Variants in LRRC49 observed in about 807,000 individuals in gnomAD.
LRRC49 encodes the protein leucine-rich repeat-containing protein 49.
A neutral mutation model predicts 83.3 loss-of-function variants in LRRC49; 50 were observed. That is an observed-to-expected ratio of 0.60 (90% confidence interval 0.48 to 0.76). LRRC49 has a LOEUF of 0.76. LRRC49 is among the 30% of genes least tolerant of loss of function. LRRC49 has a pLI of 0.00. For synonymous variants in LRRC49, 286 were observed against 283.3 expected (o/e 1.01, Z -0.10); for missense variants, 704 against 809.1 (o/e 0.87, Z 1.58).
chr15:70,996,600 C>G (rs78354802), intron 11 of LRRC49, among the ~76,000 whole-genome samples: 1,823 of 152,194 alleles, frequency 0.012, 40 homozygotes, highest in African/African-American at 0.042. Context: ...ATACTACTTG[C>G]TAAAATAGAT....
intron 1 of LRRC49, among the ~76,000 whole-genome samples, chr15:70,871,138 AG>A (rs1180035951): frequency 2.0e-5 from 3 of 151,798 alleles, no homozygotes; most frequent in African/African-American, 7.3e-5. Context: ...ACTTGAGATT[AG>A]GGAGTGGTGA....
chr15:70,989,332 G>T (rs181413843), intron 11 of LRRC49, among the ~76,000 whole-genome samples: 1 of 151,484 alleles, frequency 6.6e-6, no homozygotes, highest in African/African-American at 2.4e-5. Context: ...GGCTTTGTTC[G>T]TTTCTATTCT....
At chr15:71,039,931 C>A (rs926591380) in intron 15 of LRRC49, among the ~76,000 whole-genome samples, 5 of 152,118 alleles carry the variant, frequency 3.3e-5, no homozygotes, top group Admixed American at 2.6e-4. Context: ...ATACAGACAG[C>A]ATAACATTGA....
At chr15:70,972,204 G>C (rs1449837139) in intron 9 of LRRC49, among the ~76,000 whole-genome samples, 1 of 152,102 alleles carries the variant, frequency 6.6e-6, no homozygotes. Context: ...CTCAGCATTT[G>C]CTTGTCTGTA....
At chr15:70,900,847 C>T in intron 3 of LRRC49, 75 bp from the exon 4 acceptor site, 1 of 768,572 alleles carries the variant, frequency 1.3e-6, no homozygotes, top group Non-Finnish European at 2.2e-6. Flanking sequence ...TAAAATTCTC[C>T]AAATATAAGA....
intron 2 of LRRC49, chr15:70,881,762 T>G (rs2033269256): frequency 6.6e-6 from 1 of 152,234 alleles, no homozygotes; most frequent in South Asian, 2.1e-4. Flanking sequence ...GATTCTAATC[T>G]AAATTAATCA....
intron 15 of LRRC49, among the ~76,000 whole-genome samples, chr15:71,042,289 A>G (rs1217716333): frequency 2.6e-5 from 4 of 152,192 alleles, no homozygotes; most frequent in East Asian, 3.9e-4. Flanking sequence ...TTAAAAACAG[A>G]TAGCTTCAGT....
intron 8 of LRRC49, among the ~76,000 whole-genome samples, chr15:70,961,945 G>A (rs1184081789): frequency 6.6e-6 from 1 of 152,178 alleles, no homozygotes; most frequent in African/African-American, 2.4e-5. Flanking sequence ...AGACCGACAA[G>A]AGAATCTAAC....
In LRRC49 at chr15:70,871,997, G is replaced by A. The variant is rs1342585337; in HGVS notation, c.-298-911G>A. Among the ~76,000 whole-genome samples, 10 of 152,196 alleles carry A rather than the reference G, an allele frequency of 6.6e-5. 1 individual carries two copies. The highest frequency in any genetic ancestry group is 2.2e-4 in the African/African-American group (9 of 41,466). ...CTCCTCACTTCCCAGACGGGATGGC[G>A]GCCGGGCAGAGGCTGCAATCTCGGC... On this transcript the variant is annotated intron_variant, in intron 1 of 16. Coordinates refer to the LRRC49 transcript ENST00000544974.
At chr15:71,035,504 A>T (rs2039490724) in intron 14 of LRRC49, among the ~76,000 whole-genome samples, 1 of 151,450 alleles carries the variant, frequency 6.6e-6, no homozygotes, top group East Asian at 1.9e-4. Context: ...CTAGCCCTCC[A>T]CCCCCTGACA....
intron 2 of LRRC49, among the ~76,000 whole-genome samples, chr15:70,878,342 G>T (rs999753288): frequency 1.3e-5 from 2 of 151,992 alleles, no homozygotes; most frequent in Non-Finnish European, 2.9e-5. Flanking sequence ...GAGGTTCTAC[G>T]TACATAATCA....
At chr15:70,984,875 C>T (rs1207693735) in intron 11 of LRRC49, among the ~76,000 whole-genome samples, 7 of 149,778 alleles carry the variant, frequency 4.7e-5, no homozygotes, top group South Asian at 2.1e-4. Context: ...TGAGAATACG[C>T]GGTGTTTGGT....
intron 14 of LRRC49, among the ~76,000 whole-genome samples, chr15:71,020,980 A>G (rs1432975225): frequency 6.6e-6 from 1 of 152,200 alleles, no homozygotes; most frequent in Non-Finnish European, 1.5e-5. Context: ...CTTGGGCCAC[A>G]TTGGAAGAAG....
At chr15:70,964,391 T>C (rs1386909335) in intron 9 of LRRC49, among the ~76,000 whole-genome samples, 2 of 152,088 alleles carry the variant, frequency 1.3e-5, no homozygotes, top group Admixed American at 6.6e-5. Context: ...AATTAAGTCA[T>C]AGGTTTGTCG....
chr15:70,972,676 T>C (rs1337174511), intron 9 of LRRC49, among the ~76,000 whole-genome samples: 1 of 152,126 alleles, frequency 6.6e-6, no homozygotes, highest in Non-Finnish European at 1.5e-5. Context: ...GGCTGCTTTG[T>C]TCATTCCTTT....
At chr15:70,953,803 G>C (rs1180558521) in intron 8 of LRRC49, among the ~76,000 whole-genome samples, 1 of 151,914 alleles carries the variant, frequency 6.6e-6, no homozygotes, top group Non-Finnish European at 1.5e-5. Context: ...CAGCTATTCT[G>C]TTATTTTTTT....
chr15:71,036,557 A>G (rs2039525393), intron 14 of LRRC49, among the ~76,000 whole-genome samples: 1 of 152,192 alleles, frequency 6.6e-6, no homozygotes, highest in Non-Finnish European at 1.5e-5. Flanking sequence ...AGGACGAATC[A>G]TGGCTGATGG....
At chr15:70,989,617 T>G (rs960504280) in intron 11 of LRRC49, among the ~76,000 whole-genome samples, 2 of 152,228 alleles carry the variant, frequency 1.3e-5, no homozygotes, top group East Asian at 3.8e-4. Flanking sequence ...ATCTGAAGCC[T>G]TCTTCTTTCA....
chr15:70,860,610 T>A (rs1214512512), intron 1 of LRRC49, among the ~76,000 whole-genome samples: 1 of 152,132 alleles, frequency 6.6e-6, no homozygotes, highest in Non-Finnish European at 1.5e-5. Context: ...AGGGTCTTTC[T>A]ATGTTGTCCA....
Sources: allele counts gnomAD v4.1 joint callset (sites outside exome capture counted in the v4.1 genomes callset), GRCh38; gene constraint gnomAD v4.1.1; transcripts MANE v1.5; gene names NCBI Gene and HGNC (gene_info 2026-07-23, HGNC 2026-07-21).